Variants in PTGER4 observed in about 807,000 individuals in gnomAD.
PTGER4 encodes the protein prostaglandin E2 receptor EP4 subtype.
A neutral mutation model predicts 33.2 loss-of-function variants in PTGER4; 11 were observed. The observed-to-expected ratio is 0.33, with a 90% CI of 0.21 to 0.55. The LOEUF is 0.55. Ranked by LOEUF, PTGER4 falls within the 20% of genes least tolerant of loss-of-function variation. The pLI, the probability that PTGER4 is intolerant of heterozygous loss-of-function variation, is 0.92. For synonymous variants in PTGER4, 275 were observed against 281.5 expected (o/e 0.98, Z 0.23); for missense variants, 481 against 650.2 (o/e 0.74, Z 2.83).
the PTGER4 span, among the ~76,000 whole-genome samples, chr5:40,739,376 A>G: frequency 2.6e-5 from 4 of 152,190 alleles, no homozygotes; most frequent in Non-Finnish European, 5.9e-5. Context: ...ACTATCTTCC[A>G]ATCTATGAGC....
chr5:40,686,020 T>C (rs1741315908), intron 2 of PTGER4, among the ~76,000 whole-genome samples: 2 of 152,150 alleles, frequency 1.3e-5, no homozygotes, highest in Admixed American at 6.5e-5. Flanking sequence ...CTTCTACAAA[T>C]GGCCAGAAGA....
the PTGER4 span, chr5:40,715,855 A>T: frequency 3.6e-6 from 1 of 281,244 alleles, no homozygotes. Flanking sequence ...TACATTTTTC[A>T]AGTTTTGTCT....
Position 40,693,037 on chromosome 5 carries a change from A to C in PTGER4, c.*659A>C, listed in dbSNP as rs1030645061. 2.4e-5 allele frequency: 22 copies of C among 903,680 alleles called. No individual in the cohort carries two copies. Among genetic ancestry groups the C allele is most frequent in the Non-Finnish European group, 2.8e-5 (21 of 755,404 alleles). 56.0% of individuals were successfully genotyped at this position (903,680 alleles called of 1,614,324 possible). A position where few individuals can be genotyped will look rare whatever the true frequency, so the allele number is the denominator to read the frequency against. ...AAATAGATATAAATTTTTAAGAGAA[A>C]GAATTTAGTATTATCAAAGGGATAA... On this transcript the variant is annotated 3_prime_UTR_variant, in exon 3 of 3. Coordinates refer to ENST00000302472, the MANE Select transcript of PTGER4 (RefSeq NM_000958.3).
downstream of PTGER4, among the ~76,000 whole-genome samples, chr5:40,697,276 AAG>A (rs374516953): frequency 3.7e-5 from 5 of 136,134 alleles, no homozygotes; most frequent in East Asian, 4.3e-4. Flanking sequence ...GAAAGAAAGA[AAG>A]AAAGAAAGAA....
rs750682363 is a variant in PTGER4 at position 40,681,017 on chromosome 5, G to C, written c.24G>C (p.Ser8=). The change falls in exon 2 of 3, where the codon TCG becomes TCC. Residue 8 remains serine, a synonymous_variant. Transcript: ENST00000302472. The surrounding 1 kb of genome is among the most constrained non-coding windows in gnomAD (Gnocchi z 9.8). Reference sequence around the variant, plus strand: ...TCATGTCCACTCCCGGGGTCAATTCGTCCGCCTCCTTGAGCCCCGACCGGC... The same window carrying C: ...TCATGTCCACTCCCGGGGTCAATTCCTCCGCCTCCTTGAGCCCCGACCGGC... MSTPGVN[S]SASLSPDRLN... 3.7e-6 allele frequency: 6 copies of C among 1,613,350 alleles called. No individual in the cohort carries two copies. The highest frequency in any genetic ancestry group is 5.1e-6 in the Non-Finnish European group (6 of 1,179,660).
At chr5:40,718,331 C>CG in the PTGER4 span, among the ~76,000 whole-genome samples, 111 of 151,380 alleles carry the variant, frequency 7.3e-4, 1 homozygote, top group Middle Eastern at 3.4e-3. Context: ...GTTTGAACCC[C>CG]GGAGGCAGAG....
At chr5:40,694,954 A>G (rs1040876679), downstream of PTGER4, among the ~76,000 whole-genome samples, 1 of 152,256 alleles carries the variant, frequency 6.6e-6, no homozygotes, top group Non-Finnish European at 1.5e-5. Flanking sequence ...CAAATTTTCT[A>G]CACAGGAAAG....
the PTGER4 span, chr5:40,716,028 GA>G: frequency 1.2e-6 from 1 of 852,274 alleles, no homozygotes; most frequent in Non-Finnish European, 1.8e-6. Context: ...TGCCTCATCT[GA>G]AAAACATATT....
At chr5:40,742,519 A>G in the PTGER4 span, among the ~76,000 whole-genome samples, 1 of 152,332 alleles carries the variant, frequency 6.6e-6, no homozygotes, top group African/African-American at 2.4e-5. Flanking sequence ...CAGAACTAGG[A>G]TAAGAAACAA....
the PTGER4 span, among the ~76,000 whole-genome samples, chr5:40,713,979 C>T: frequency 2.6e-5 from 4 of 152,166 alleles, no homozygotes; most frequent in Admixed American, 1.3e-4. Context: ...TTCTCCATAA[C>T]TTACTGTTTC....
the PTGER4 span, among the ~76,000 whole-genome samples, chr5:40,707,075 A>G: frequency 6.6e-6 from 1 of 152,224 alleles, no homozygotes; most frequent in African/African-American, 2.4e-5. Flanking sequence ...CTGCAAAAAC[A>G]TGCCAAATTG....
At chr5:40,723,256 A>G in the PTGER4 span, among the ~76,000 whole-genome samples, 1 of 152,080 alleles carries the variant, frequency 6.6e-6, no homozygotes, top group East Asian at 1.9e-4. Flanking sequence ...AAGAGTCATC[A>G]CCACTCCCTA....
the PTGER4 span, among the ~76,000 whole-genome samples, chr5:40,706,042 C>T: frequency 6.6e-6 from 1 of 152,262 alleles, no homozygotes; most frequent in African/African-American, 2.4e-5. Flanking sequence ...GTTCATTGCA[C>T]ACTGTTTACA....
chr5:40,709,775 T>G, the PTGER4 span, among the ~76,000 whole-genome samples: 2 of 152,232 alleles, frequency 1.3e-5, no homozygotes, highest in Non-Finnish European at 2.9e-5. Context: ...GCTACCTGAC[T>G]TCAAACTATA....
At position 40,693,471 on chromosome 5, in the gene PTGER4, G is replaced by A. The variant is rs1236170798; in HGVS notation, c.*1093G>A. 2 of 985,832 alleles carry A rather than the reference G, an allele frequency of 2.0e-6. No individual in the cohort carries two copies. The highest frequency in any genetic ancestry group is 2.4e-6 in the Non-Finnish European group (2 of 829,928). The allele number at this position is 985,832 out of a possible 1,614,324, so 61.1% of individuals were successfully genotyped here. ...AGATGTAAAAAGATTCCCAAACGTG[G>A]TTACATTAGCCATTCATGTATGTCA... is the stretch of plus-strand genomic sequence containing the variant. On this transcript the variant is annotated 3_prime_UTR_variant, in exon 3 of 3. Coordinates refer to ENST00000302472, the MANE Select transcript of PTGER4 (RefSeq NM_000958.3).
the PTGER4 span, among the ~76,000 whole-genome samples, chr5:40,706,413 C>T: frequency 1.3e-5 from 2 of 152,050 alleles, no homozygotes; most frequent in Non-Finnish European, 2.9e-5. Context: ...ATAATATATA[C>T]AACAAACCCT....
chr5:40,688,902 G>C (rs1741396961), intron 2 of PTGER4, among the ~76,000 whole-genome samples: 1 of 152,126 alleles, frequency 6.6e-6, no homozygotes, highest in Admixed American at 6.6e-5. Flanking sequence ...CATATAGGAA[G>C]ATATTAATTT....
chr5:40,687,755 T>C (rs968513582), intron 2 of PTGER4, among the ~76,000 whole-genome samples: 5 of 152,222 alleles, frequency 3.3e-5, no homozygotes, highest in Admixed American at 6.5e-5. Flanking sequence ...AATTTGGACT[T>C]TTGCTTTTTA....
At chr5:40,706,162 T>A in the PTGER4 span, among the ~76,000 whole-genome samples, 1 of 152,128 alleles carries the variant, frequency 6.6e-6, no homozygotes, top group Admixed American at 6.5e-5. Context: ...GAGAATGAGA[T>A]CATGTCTTTC....
Sources: allele counts gnomAD v4.1 joint callset (sites outside exome capture counted in the v4.1 genomes callset), GRCh38; gene constraint gnomAD v4.1.1; non-coding constraint Gnocchi (gnomAD v3.1); transcripts MANE v1.5; gene names NCBI Gene and HGNC (gene_info 2026-07-23, HGNC 2026-07-21).